GRAMD1B: variants seen among roughly 807,000 people sequenced by gnomAD.
GRAMD1B encodes protein Aster-B.
GRAMD1B carries 37 observed loss-of-function variants against 99.7 expected under a neutral mutation model. The ratio of observed to expected loss-of-function variants is 0.37; its 90% CI spans 0.29 to 0.49. The LOEUF (loss-of-function observed/expected upper bound fraction) is 0.49. Ranked by LOEUF, GRAMD1B falls within the 20% of genes least tolerant of loss-of-function variation. The probability of loss-of-function intolerance (pLI) is 0.98; values close to 1 mark genes in which losing one functional copy is unlikely to be tolerated. For missense variants in GRAMD1B, 888 were observed against 1,009.2 expected (o/e 0.88, Z 1.63); for synonymous variants, 427 against 387.6 (o/e 1.10, Z -1.19).
At chr11:123,486,313 C>A (rs868755085) in intron 2 of GRAMD1B, among the ~76,000 whole-genome samples, 1 of 151,960 alleles carries the variant, frequency 6.6e-6, no homozygotes, top group Non-Finnish European at 1.5e-5. Context: ...TTGGGGAGGC[C>A]GACGTGGGTG....
At chr11:123,416,562 T>C (rs1948238954) in intron 1 of GRAMD1B, among the ~76,000 whole-genome samples, 1 of 152,244 alleles carries the variant, frequency 6.6e-6, no homozygotes, top group Non-Finnish European at 1.5e-5. Flanking sequence ...CATGTTTTTC[T>C]GTGTGTATGA....
intron 1 of GRAMD1B, among the ~76,000 whole-genome samples, chr11:123,420,125 T>A (rs1948378491): frequency 6.6e-6 from 1 of 152,232 alleles, no homozygotes; most frequent in South Asian, 2.1e-4. Flanking sequence ...TTAAAGGTCT[T>A]TTATTGTTTA....
At chr11:123,612,422 G>C (rs1953716070) in intron 14 of GRAMD1B, among the ~76,000 whole-genome samples, 1 of 152,220 alleles carries the variant, frequency 6.6e-6, no homozygotes, top group African/African-American at 2.4e-5. Flanking sequence ...ACCTCAGGCA[G>C]AGCTTCCCCT....
intron 4 of GRAMD1B, among the ~76,000 whole-genome samples, chr11:123,588,166 T>C (rs1950253158): frequency 6.6e-6 from 1 of 151,662 alleles, no homozygotes; most frequent in Admixed American, 6.6e-5. Context: ...TTAACTGGTT[T>C]CTTCCTAGCT....
At chr11:123,451,091 C>T (rs1434719116) in intron 1 of GRAMD1B, among the ~76,000 whole-genome samples, 3 of 152,176 alleles carry the variant, frequency 2.0e-5, no homozygotes, top group African/African-American at 7.2e-5. Context: ...ATGGCACTCA[C>T]AAGGACACAA....
At chr11:123,431,986 A>G (rs1230634498) in intron 1 of GRAMD1B, 1 of 398,394 alleles carries the variant, frequency 2.5e-6, no homozygotes, top group Non-Finnish European at 4.4e-6. Flanking sequence ...CATCGGTACC[A>G]CGAATCCTAC....
intron 1 of GRAMD1B, among the ~76,000 whole-genome samples, chr11:123,447,774 C>T (rs978462385): frequency 6.6e-6 from 1 of 152,202 alleles, no homozygotes; most frequent in Non-Finnish European, 1.5e-5. Flanking sequence ...ATCTATGAGG[C>T]CTCCAAGTCT....
Position 123,591,096 on chromosome 11 carries a change from C to T in GRAMD1B, c.685-2986C>T. ...GCGTGACCACACCACCTCTGGGCTACTCTCTGCCCGTGGACCAGCCGAGAA... is the reference window on the plus strand; with the variant it reads ...GCGTGACCACACCACCTCTGGGCTATTCTCTGCCCGTGGACCAGCCGAGAA... On this transcript the variant is annotated intron_variant, in intron 4 of 19. Coordinates refer to ENST00000635736, the MANE Select transcript of GRAMD1B (RefSeq NM_001387025.1). This position sits in a 1 kb window ranked among gnomAD's most constrained non-coding sequence, Gnocchi z 4.7. 1 of 232,096 alleles carries T rather than the reference C, an allele frequency of 4.3e-6. No individual in the cohort carries two copies. The highest frequency in any genetic ancestry group is 2.2e-5 in the African/African-American group (1 of 44,620). The allele number at this position is 232,096 out of a possible 1,614,324, so 14.4% of individuals were successfully genotyped here. A position where few individuals can be genotyped will look rare whatever the true frequency, so the allele number is the denominator to read the frequency against.
intron 2 of GRAMD1B, among the ~76,000 whole-genome samples, chr11:123,558,262 G>T (rs891476511): frequency 6.6e-6 from 1 of 152,104 alleles, no homozygotes; most frequent in African/African-American, 2.4e-5. Flanking sequence ...GAGATTACAG[G>T]CATGAGCCAC....
chr11:123,586,998 T>G (rs1386135945), intron 4 of GRAMD1B, among the ~76,000 whole-genome samples: 1 of 152,198 alleles, frequency 6.6e-6, no homozygotes. Flanking sequence ...TGAGGGCCAG[T>G]GCCCTGCAGA....
rs953227438 is a variant in GRAMD1B at position 123,627,449 on chromosome 11, G to A, written c.*4854G>A. The A allele has an allele frequency of 1.3e-5, 2 of 152,370 alleles. No homozygotes were observed. The highest frequency in any genetic ancestry group is 4.8e-5 in the African/African-American group (2 of 41,462). The allele number at this position is 152,370 out of a possible 1,614,324, so 9.4% of individuals were successfully genotyped here. On this transcript the variant is annotated 3_prime_UTR_variant, in exon 20 of 20. Coordinates refer to ENST00000635736, the MANE Select transcript of GRAMD1B (RefSeq NM_001387025.1). ...TCCCCAACTCAACCTAGACTCCAAGGTGGGGAGGGATGGGTCAGAGGCCAT... is the reference window on the plus strand; with the variant it reads ...TCCCCAACTCAACCTAGACTCCAAGATGGGGAGGGATGGGTCAGAGGCCAT...
chr11:123,528,956 A>G (rs944993135), intron 2 of GRAMD1B, among the ~76,000 whole-genome samples: 3 of 152,220 alleles, frequency 2.0e-5, no homozygotes, highest in Non-Finnish European at 4.4e-5. Context: ...ACGCAACAGC[A>G]TGGTGTGTCA....
rs1953279390 is a variant in GRAMD1B, at chr11:123,609,739, T to C, written c.1658-56T>C. ...AGGTCACTTGGAGGGGAAACTTGGA[T>C]TGGGGAGAGGGCTCTGCCCTCCCTT... On this transcript the variant is annotated intron_variant, in intron 12 of 19. Transcript: ENST00000635736. 9 of 1,025,446 alleles carry C rather than the reference T, an allele frequency of 8.8e-6. No individual in the cohort carries two copies. The South Asian group carries it at 1.1e-4, about 13-fold the overall frequency. 63.5% of individuals were successfully genotyped at this position (1,025,446 alleles called of 1,614,324 possible).
chr11:123,469,787 C>G (rs1950914217), intron 1 of GRAMD1B, among the ~76,000 whole-genome samples: 1 of 146,652 alleles, frequency 6.8e-6, no homozygotes, highest in East Asian at 2.0e-4. Context: ...TTCCTTCCTT[C>G]CTTCCTTCCT....
rs946657451 is a variant in GRAMD1B, at chr11:123,492,892, A to ACACACG, written c.452+12002_452+12003insACGCAC. Among the ~76,000 whole-genome samples the ACACACG allele has an allele frequency of 6.6e-6, 1 of 151,620 alleles. No individual in the cohort carries two copies. Among genetic ancestry groups the ACACACG allele is most frequent in the African/African-American group, 2.4e-5 (1 of 41,106 alleles). On this transcript the variant is annotated intron_variant, in intron 2 of 19. Coordinates refer to ENST00000635736, the MANE Select transcript of GRAMD1B (RefSeq NM_001387025.1). The surrounding 1 kb of genome is among the most constrained non-coding windows in gnomAD (Gnocchi z 4.2). ...CACACACACACACACACACACACAC[A>ACACACG]CACGCATAGGCATAGATGCCTGTGA...
At chr11:123,487,493 G>A (rs1937963884) in intron 2 of GRAMD1B, among the ~76,000 whole-genome samples, 1 of 152,258 alleles carries the variant, frequency 6.6e-6, no homozygotes, top group Non-Finnish European at 1.5e-5. Context: ...TGAGTGGCCA[G>A]GAAAGGCCTT....
At chr11:123,454,534 C>T (rs1950026467) in intron 1 of GRAMD1B, 1 of 152,180 alleles carries the variant, frequency 6.6e-6, no homozygotes, top group South Asian at 2.1e-4. Context: ...ACCTGATCTG[C>T]CCTTCTCATG....
Position 123,591,500 on chromosome 11 carries a change from G to A in GRAMD1B, c.685-2582G>A, listed in dbSNP as rs578038441. 2.3e-5 allele frequency: 9 copies of A among 399,014 alleles called. No homozygotes were observed. In the South Asian group the frequency reaches 3.8e-4, roughly 17 times the overall value. 24.7% of individuals were successfully genotyped at this position (399,014 alleles called of 1,614,324 possible). ...GCAGCTTGGCCATGCACCTGCTGCC[G>A]CTGAACACCGTTGCTGGCACGGATC... On this transcript the variant is annotated intron_variant, in intron 4 of 19. Coordinates refer to ENST00000635736, the MANE Select transcript of GRAMD1B (RefSeq NM_001387025.1). The surrounding 1 kb of genome is among the most constrained non-coding windows in gnomAD (Gnocchi z 4.7).
At chr11:123,400,789 A>G (rs1947632427) in intron 1 of GRAMD1B, among the ~76,000 whole-genome samples, 1 of 152,210 alleles carries the variant, frequency 6.6e-6, no homozygotes, top group Non-Finnish European at 1.5e-5. Context: ...TTCAGTCTAC[A>G]GTATATGGTT....
Sources: gnomAD v4.1 joint callset for allele counts (sites outside exome capture counted in the v4.1 genomes callset) on GRCh38, gnomAD v4.1.1 for gene constraint, Gnocchi (gnomAD v3.1) non-coding constraint, MANE v1.5 for transcripts, NCBI Gene and HGNC (gene_info 2026-07-23, HGNC 2026-07-21) for gene names.